POLE2: variants seen among roughly 807,000 people sequenced by gnomAD.
POLE2 encodes DNA polymerase epsilon subunit 2.
A neutral mutation model predicts 79.4 loss-of-function variants in POLE2; 56 were observed. The observed-to-expected ratio is 0.71, with a 90% CI of 0.57 to 0.88. The LOEUF (loss-of-function observed/expected upper bound fraction) is 0.88. Among genes scored for constraint, POLE2 ranks in the 40% least tolerant of loss-of-function variants. The probability of loss-of-function intolerance (pLI) is 0.00; values close to 1 mark genes in which losing one functional copy is unlikely to be tolerated. For missense variants in POLE2, 598 were observed against 638.9 expected, an observed-to-expected ratio of 0.94 and a Z score of 0.69; for synonymous variants, 212 against 214.0, an observed-to-expected ratio of 0.99 and a Z score of 0.08.
chr14:49,658,020 C>G (rs1252482295), intron 10 of POLE2, among the ~76,000 whole-genome samples: 1 of 151,938 alleles, frequency 6.6e-6, no homozygotes, highest in Non-Finnish European at 1.5e-5. Flanking sequence ...GGCCCCAGGG[C>G]CAGAGCTTCT....
intron 6 of POLE2, among the ~76,000 whole-genome samples, chr14:49,668,147 A>T (rs1885619469): frequency 6.6e-6 from 1 of 151,990 alleles, no homozygotes; most frequent in African/African-American, 2.4e-5. Flanking sequence ...GGTGGTGTGC[A>T]CGTATGTCCC....
intron 17 of POLE2, among the ~76,000 whole-genome samples, chr14:49,647,628 ATTT>A (rs1258788332): frequency 2.0e-5 from 3 of 151,776 alleles, no homozygotes; most frequent in Non-Finnish European, 4.4e-5. Context: ...TAATTTTTGT[ATTT>A]TTTGTAAAGA....
intron 15 of POLE2, among the ~76,000 whole-genome samples, chr14:49,653,573 A>G (rs1443165007): frequency 1.3e-5 from 2 of 152,192 alleles, no homozygotes; most frequent in Non-Finnish European, 2.9e-5. Flanking sequence ...TATTTATTCC[A>G]TAACAGTCGA....
At chr14:49,681,656 C>T (rs1886712930) in intron 2 of POLE2, among the ~76,000 whole-genome samples, 1 of 151,982 alleles carries the variant, frequency 6.6e-6, no homozygotes, top group African/African-American at 2.4e-5. Context: ...CACCTGTAGT[C>T]CCAGCTACTC....
chr14:49,684,484 A>T (rs1366214069), intron 1 of POLE2: 2 of 151,902 alleles, frequency 1.3e-5, no homozygotes, highest in African/African-American at 4.8e-5. Context: ...AAAGGCTTTA[A>T]AAAACTATGA....
intron 18 of POLE2, 87 bp from the exon 19 acceptor site, chr14:49,643,757 G>C: frequency 1.6e-6 from 1 of 616,528 alleles, no homozygotes; most frequent in Admixed American, 3.1e-5. Flanking sequence ...AATAGGTATA[G>C]TTAATTGATT....
chr14:49,687,792 C>T (rs904932722), intron 1 of POLE2, among the ~76,000 whole-genome samples: 5 of 151,986 alleles, frequency 3.3e-5, no homozygotes, highest in African/African-American at 1.2e-4. Context: ...CTCCTCCTCC[C>T]GGGTTCAAGC....
At chr14:49,686,725 A>C (rs1227726304) in intron 1 of POLE2, among the ~76,000 whole-genome samples, 1 of 152,216 alleles carries the variant, frequency 6.6e-6, no homozygotes, top group Non-Finnish European at 1.5e-5. Flanking sequence ...AAGTATACTT[A>C]TGACTGAAAT....
chr14:49,667,695 C>G (rs1265919474), intron 6 of POLE2, among the ~76,000 whole-genome samples: 1 of 152,066 alleles, frequency 6.6e-6, no homozygotes, highest in African/African-American at 2.4e-5. Context: ...CAGGCACTAG[C>G]CACTGCATCC....
Position 49,669,582 on chromosome 14 carries a change from T to G in POLE2, c.434A>C (p.Glu145Ala). 6.3e-7 allele frequency: 1 copy of G among 1,583,680 alleles called. No homozygotes were observed. The highest frequency in any genetic ancestry group is 8.7e-7 in the Non-Finnish European group (1 of 1,152,500). Residue 145 changes from glutamate to alanine, a missense_variant, in exon 6 of 19, where the codon GAA becomes GCA. Physicochemically the swap from Glu to Ala is moderately radical, Grantham distance 107. Transcript: ENST00000216367. ...ACCTATCACCGGAGGAGTAAATAATTCATGCCTGTGGGTCCTCTATAAAAA... is the reference window on the plus strand; with the variant it reads ...ACCTATCACCGGAGGAGTAAATAATGCATGCCTGTGGGTCCTCTATAAAAA... ...TILHQRTHRH[E>A]LFTPPVIGSH...
chr14:49,643,816 C>T (rs1883563146), intron 18 of POLE2, 146 bp from the exon 19 acceptor site: 2 of 344,002 alleles, frequency 5.8e-6, no homozygotes, highest in African/African-American at 2.2e-5. Context: ...CAAAAGGAGA[C>T]TCTAAAAAAT....
Position 49,674,510 on chromosome 14 carries a change from A to C in POLE2, c.246-83T>G, listed in dbSNP as rs77445291. 1.5e-3 allele frequency: 1,229 copies of C among 796,768 alleles called. 17 individuals are homozygous for C. The East Asian group carries it at 0.016, about 11-fold the overall frequency. The allele number at this position is 796,768 out of a possible 1,614,324, so 49.4% of individuals were successfully genotyped here. A position where few individuals can be genotyped will look rare whatever the true frequency, so the allele number is the denominator to read the frequency against. On this transcript the variant is annotated intron_variant, in intron 3 of 18. Transcript: ENST00000216367. The stretch of plus-strand genomic sequence containing the variant: ...GAACATGATAACTTGCATTATAAGT[A>C]TTTGTAATAACACACTTTTCACATT...
intron 17 of POLE2, among the ~76,000 whole-genome samples, chr14:49,648,065 T>G (rs1883916489): frequency 6.6e-6 from 1 of 152,228 alleles, no homozygotes; most frequent in South Asian, 2.1e-4. Flanking sequence ...TGCCCCTCTC[T>G]CTAATGCAAA....
chr14:49,654,714 A>C, intron 13 of POLE2, 70 bp downstream of exon 13: 1 of 1,457,914 alleles, frequency 6.9e-7, no homozygotes, highest in South Asian at 1.5e-5. Flanking sequence ...TTGCTGATAT[A>C]ACAAAATTCA....
At position 49,654,140 on chromosome 14, in the gene POLE2, C is replaced by T. The variant is rs3212323; in HGVS notation, c.1133+15G>A. 0.21 allele frequency: 339,172 copies of T among 1,603,770 alleles called. 38,559 individuals are homozygous for T. The highest frequency in any genetic ancestry group is 0.32 in the Admixed American group (18,848 of 59,244). ...AAATTTTCTACACTGTTGCAAAAAT[C>T]TGAACAAAACTTACCTTGGTAAGAT... On this transcript the variant is annotated intron_variant, in intron 14 of 18. Coordinates refer to ENST00000216367, the MANE Select transcript of POLE2 (RefSeq NM_002692.4).
intron 2 of POLE2, among the ~76,000 whole-genome samples, chr14:49,680,284 G>A (rs2139686087): frequency 6.6e-6 from 1 of 152,004 alleles, no homozygotes; most frequent in South Asian, 2.1e-4. Flanking sequence ...CAGGGAGGTG[G>A]AGGCTGCAGT....
chr14:49,644,502 C>T (rs1883619706), intron 18 of POLE2, among the ~76,000 whole-genome samples: 1 of 144,862 alleles, frequency 6.9e-6, no homozygotes, highest in South Asian at 2.1e-4. Context: ...AAGAGCAAAA[C>T]TCCGTCTCCA....
intron 10 of POLE2, among the ~76,000 whole-genome samples, chr14:49,659,629 G>T (rs1884958750): frequency 6.6e-6 from 1 of 152,118 alleles, no homozygotes; most frequent in African/African-American, 2.4e-5. Context: ...CACTCTGGCT[G>T]AAGTATAGTG....
intron 18 of POLE2, chr14:49,646,553 G>C (rs35130028): frequency 0.23 from 34,569 of 151,436 alleles, 4,236 homozygotes; most frequent in Admixed American, 0.3. Flanking sequence ...AAACTCCTGA[G>C]CTCGTGATCC....
Sources: gnomAD v4.1 joint callset for allele counts (sites outside exome capture counted in the v4.1 genomes callset) on GRCh38, gnomAD v4.1.1 for gene constraint, MANE v1.5 for transcripts, NCBI Gene and HGNC (gene_info 2026-07-23, HGNC 2026-07-21) for gene names.